RANBP9: variants seen among roughly 807,000 people sequenced by gnomAD.
RANBP9 encodes ran-binding protein 9.
Under a neutral mutation model 84.3 loss-of-function variants are expected in RANBP9, and 15 were observed. The observed-to-expected ratio is 0.18, with a 90% CI of 0.12 to 0.27. RANBP9 has a LOEUF of 0.27. Among genes scored for constraint, RANBP9 ranks in the 10% least tolerant of loss-of-function variants. The pLI is 1.00. For synonymous variants in RANBP9, 392 were observed against 349.6 expected, an observed-to-expected ratio of 1.12 and a Z score of -1.35; for missense variants, 809 against 912.8, an observed-to-expected ratio of 0.89 and a Z score of 1.46.
intron 12 of RANBP9, among the ~76,000 whole-genome samples, chr6:13,627,918 AC>A (rs1487641045): frequency 2.0e-5 from 3 of 152,186 alleles, no homozygotes; most frequent in Non-Finnish European, 4.4e-5. Context: ...ACCATGGCAC[AC>A]GTTTACCTAT....
chr6:13,633,724 A>G (rs1245936256), intron 11 of RANBP9, among the ~76,000 whole-genome samples: 1 of 152,222 alleles, frequency 6.6e-6, no homozygotes, highest in African/African-American at 2.4e-5. Flanking sequence ...TTAAAAAACA[A>G]TTTTAGTAAT....
At chr6:13,659,249 C>A (rs1017998497) in intron 2 of RANBP9, among the ~76,000 whole-genome samples, 7 of 110,658 alleles carry the variant, frequency 6.3e-5, no homozygotes, top group African/African-American at 2.3e-4. Flanking sequence ...ACCCCACACA[C>A]ACACACATAC....
intron 2 of RANBP9, among the ~76,000 whole-genome samples, chr6:13,665,962 G>C (rs1406263686): frequency 6.6e-6 from 1 of 152,102 alleles, no homozygotes; most frequent in Non-Finnish European, 1.5e-5. Flanking sequence ...CCTCTGAAAG[G>C]GTGGCTCAAG....
intron 9 of RANBP9, among the ~76,000 whole-genome samples, 190 bp from the exon 10 acceptor site, chr6:13,638,145 T>C (rs1189347202): frequency 6.6e-6 from 1 of 152,190 alleles, no homozygotes; most frequent in Non-Finnish European, 1.5e-5. Flanking sequence ...TATTACCTCA[T>C]CTAACATTTA....
At position 13,641,291 on chromosome 6, in the gene RANBP9, T is replaced by C; in HGVS notation, c.1242A>G (p.Val414=). The C allele has an allele frequency of 6.3e-7, 1 of 1,597,970 alleles. No individual in the cohort carries two copies. The highest frequency in any genetic ancestry group is 8.5e-7 in the Non-Finnish European group (1 of 1,171,786). Residue 414 remains valine (V), a synonymous_variant, in exon 8 of 14, where the codon GTA becomes GTG. Transcript: ENST00000011619. ...TGGCTTCTCCCATTCTTCCTGCTAA[T>C]ACCAATTTCTGAATTCCTATTCAGT... ...IKNRQRIQKL[V]LAGRMGEAIE...
At chr6:13,650,156 GTGT>G (rs1252846431) in intron 5 of RANBP9, among the ~76,000 whole-genome samples, 1 of 146,812 alleles carries the variant, frequency 6.8e-6, no homozygotes, top group Non-Finnish European at 1.5e-5. Context: ...TGTTGTTGTT[GTGT>G]TTTTTTGTTT....
intron 12 of RANBP9, among the ~76,000 whole-genome samples, chr6:13,628,133 T>C: frequency 6.6e-6 from 1 of 152,248 alleles, no homozygotes; most frequent in Non-Finnish European, 1.5e-5. Flanking sequence ...AAAGTTGTTA[T>C]CATGTCTATC....
Position 13,688,982 on chromosome 6 carries a change from C to CAAAAAAAAAAAAAA in RANBP9, c.683+7789_683+7802dup, listed in dbSNP as rs1164073062. On this transcript the variant is annotated intron_variant, in intron 2 of 13. Coordinates refer to ENST00000011619, the MANE Select transcript of RANBP9 (RefSeq NM_005493.3). ...TGCAACATACCGAGACCCATCTCCA[C>CAAAAAAAAAAAAAA]AAAAAAAAAAAAAAAAAAAAAATGC... 5.7e-4 allele frequency among the ~76,000 whole-genome samples: 17 copies of CAAAAAAAAAAAAAA among 29,948 alleles called. 1 individual carries two copies. The highest frequency in any genetic ancestry group is 1.8e-3 in the African/African-American group (17 of 9,572). The allele number at this position is 29,948 out of a possible 152,430, so 19.6% of individuals were successfully genotyped here.
intron 2 of RANBP9, among the ~76,000 whole-genome samples, chr6:13,676,302 T>G (rs933186255): frequency 6.6e-6 from 1 of 151,994 alleles, no homozygotes; most frequent in Non-Finnish European, 1.5e-5. Context: ...AAAAAAATAA[T>G]AGTAACAATT....
intron 12 of RANBP9, among the ~76,000 whole-genome samples, chr6:13,631,417 G>C (rs1184744163): frequency 6.6e-6 from 1 of 152,112 alleles, no homozygotes; most frequent in African/African-American, 2.4e-5. Flanking sequence ...ATTACTAATT[G>C]AGCATCTCTC....
At chr6:13,651,326 A>G (rs1584923728) in intron 5 of RANBP9, among the ~76,000 whole-genome samples, 1 of 152,148 alleles carries the variant, frequency 6.6e-6, no homozygotes, top group African/African-American at 2.4e-5. Flanking sequence ...TTTCTGCAAT[A>G]GTCTTCTCAC....
At chr6:13,696,602 T>G (rs1757837482) in intron 2 of RANBP9, among the ~76,000 whole-genome samples, 183 bp downstream of exon 2, 1 of 152,182 alleles carries the variant, frequency 6.6e-6, no homozygotes, top group Non-Finnish European at 1.5e-5. Flanking sequence ...TATCACCAAC[T>G]CAAGCTTTAA....
At chr6:13,687,188 C>T (rs1326736039) in intron 2 of RANBP9, among the ~76,000 whole-genome samples, 4 of 152,148 alleles carry the variant, frequency 2.6e-5, no homozygotes, top group Non-Finnish European at 5.9e-5. Flanking sequence ...GCTTTAACAA[C>T]TTAACCTTCT....
rs914452530 is a variant in RANBP9, at chr6:13,621,600, A to AAATT, written c.*758_*761dup. 6.6e-6 allele frequency: 1 copy of AAATT among 152,602 alleles called. No individual in the cohort carries two copies. Among genetic ancestry groups the AAATT allele is most frequent in the African/African-American group, 2.4e-5 (1 of 41,450 alleles). 9.5% of individuals were successfully genotyped at this position (152,602 alleles called of 1,614,324 possible). On this transcript the variant is annotated 3_prime_UTR_variant, in exon 14 of 14. Transcript: ENST00000011619. ...TAAAAATGGAAGGTGTACAAAGATT[A>AAATT]AATTAAGACACGGTAAATTGACTAA...
chr6:13,634,568 C>A lies in RANBP9; in HGVS notation c.1674-16G>T. On this transcript the variant is annotated splice_polypyrimidine_tract_variant and intron_variant, in intron 10 of 13. Transcript: ENST00000011619. ...TACATCATTACTGAAAACGAAAAAA[C>A]AAACCTAATTTTAGAAATATCATAC... The A allele has an allele frequency of 6.3e-7, 1 of 1,586,588 alleles. No homozygotes were observed. The highest frequency in any genetic ancestry group is 8.6e-7 in the Non-Finnish European group (1 of 1,161,102).
chr6:13,625,249 G>A (rs1243530557), intron 13 of RANBP9, among the ~76,000 whole-genome samples: 1 of 152,080 alleles, frequency 6.6e-6, no homozygotes, highest in African/African-American at 2.4e-5. Context: ...CCAATTCCTA[G>A]CCTAGAAATC....
intron 4 of RANBP9, among the ~76,000 whole-genome samples, chr6:13,655,176 A>G (rs1300046215): frequency 2.0e-5 from 3 of 152,258 alleles, no homozygotes; most frequent in Non-Finnish European, 4.4e-5. Context: ...AGGTTTACTT[A>G]AAATTAAAAT....
At chr6:13,678,590 C>T (rs1765952616) in intron 2 of RANBP9, among the ~76,000 whole-genome samples, 1 of 152,122 alleles carries the variant, frequency 6.6e-6, no homozygotes, top group African/African-American at 2.4e-5. Context: ...AATTAGAGAC[C>T]ACCTCTACAG....
intron 2 of RANBP9, among the ~76,000 whole-genome samples, chr6:13,695,404 T>G (rs867209582): frequency 2.0e-3 from 299 of 149,216 alleles, no homozygotes; most frequent in African/African-American, 6.9e-3. Context: ...ACCAAATGTT[T>G]TTTTTTTTTT....
Sources: allele counts gnomAD v4.1 joint callset (sites outside exome capture counted in the v4.1 genomes callset), GRCh38; gene constraint gnomAD v4.1.1; transcripts MANE v1.5; gene names NCBI Gene and HGNC (gene_info 2026-07-23, HGNC 2026-07-21).